CARM1: variants seen among roughly 807,000 people sequenced by gnomAD.
CARM1 encodes histone-arginine methyltransferase CARM1.
In CARM1, 14 loss-of-function variants were observed where a neutral mutation model predicts 72.7. That is an observed-to-expected ratio of 0.19 (90% CI 0.13 to 0.30). CARM1 has a LOEUF of 0.30. Among genes scored for constraint, CARM1 ranks in the 10% least tolerant of loss-of-function variants. CARM1 has a pLI of 1.00. For synonymous variants in CARM1, 333 were observed against 345.5 expected (o/e 0.96, Z 0.40); for missense variants, 432 against 833.7 (o/e 0.52, Z 5.93).
intron 1 of CARM1, among the ~76,000 whole-genome samples, chr19:10,875,671 A>C (rs946379398): frequency 1.3e-5 from 2 of 151,636 alleles, no homozygotes; most frequent in South Asian, 4.2e-4. Flanking sequence ...TGATCTGCCC[A>C]CCTTGGCCTC....
chr19:10,917,036 C>T (rs540933208), intron 8 of CARM1, among the ~76,000 whole-genome samples: 2 of 152,104 alleles, frequency 1.3e-5, no homozygotes, highest in South Asian at 4.2e-4. Flanking sequence ...GCCTGGGCAA[C>T]ACAGAGACGC....
chr19:10,873,624 G>GTTTTTTTTTTTTTT (rs1169565864), intron 1 of CARM1, among the ~76,000 whole-genome samples: 2 of 47,346 alleles, frequency 4.2e-5, no homozygotes, highest in Non-Finnish European at 7.2e-5. Context: ...TTTTAGTTTA[G>GTTTTTTTTTTTTTT]TTTTTTTTTT....
rs376092710 is a variant in CARM1 at position 10,902,609 on chromosome 19, T to A, written c.221-2342T>A. 1.6e-3 allele frequency among the ~76,000 whole-genome samples: 116 copies of A among 71,432 alleles called. 2 individuals carry two copies. The highest frequency in any genetic ancestry group is 9.5e-4 in the Admixed American group (7 of 7,380). The allele number at this position is 71,432 out of a possible 152,430, so 46.9% of individuals were successfully genotyped here. ...CAGGCGTGAGCCACTGTGCCCAGAC[T>A]TTTTTTTTTTTTTTTTGAGACATGC... On this transcript the variant is annotated intron_variant, in intron 1 of 15. Coordinates refer to ENST00000327064, the MANE Select transcript of CARM1 (RefSeq NM_199141.2).
Position 10,912,276 on chromosome 19 carries a change from C to A in CARM1, c.651C>A (p.Thr217=), listed in dbSNP as rs1038561194. The part of the protein sequence containing the change: ...ARKIYAVEAS[T]MAQHAEVLVK... ...AAATCTACGCGGTGGAGGCCAGCACCATGGCCCAGCACGCTGAGGTCAGTG... is the reference window on the plus strand; with the variant it reads ...AAATCTACGCGGTGGAGGCCAGCACAATGGCCCAGCACGCTGAGGTCAGTG... The change falls in exon 5 of 16, where the codon ACC becomes ACA. Residue 217 remains threonine, a synonymous_variant. Coordinates refer to ENST00000327064, the MANE Select transcript of CARM1 (RefSeq NM_199141.2). The surrounding 1 kb of genome is among the most constrained non-coding windows in gnomAD (Gnocchi z 4.5). The A allele has an allele frequency of 1.2e-6, 2 of 1,613,688 alleles. No homozygotes were observed. The highest frequency in any genetic ancestry group is 8.5e-7 in the Non-Finnish European group (1 of 1,179,666).
chr19:10,918,423 G>C (rs1211857699), intron 8 of CARM1, among the ~76,000 whole-genome samples: 6 of 151,668 alleles, frequency 4.0e-5, no homozygotes, highest in Non-Finnish European at 7.4e-5. Context: ...GGGCCTCACT[G>C]TGTTACTCAG....
rs549405127 is a variant in CARM1 at position 10,884,084 on chromosome 19, T to C, written c.220+12162T>C. On this transcript the variant is annotated intron_variant, in intron 1 of 15. Transcript: ENST00000327064. ...CGGGCCAGGTGCAGTGGCTCACACC[T>C]GTAATCCCAGCACTTTGGGAGGCCG... is the stretch of plus-strand genomic sequence containing the variant. Among the ~76,000 whole-genome samples, 14 of 146,802 alleles carry C rather than the reference T, an allele frequency of 9.5e-5. No individual in the cohort carries two copies. In the South Asian group the frequency reaches 2.7e-3, roughly 28 times the overall value.
At chr19:10,889,840 C>T (rs2146315723) in intron 1 of CARM1, among the ~76,000 whole-genome samples, 1 of 152,246 alleles carries the variant, frequency 6.6e-6, no homozygotes, top group East Asian at 1.9e-4. Context: ...GTGCACTTCC[C>T]ACCCTCATTT....
intron 1 of CARM1, among the ~76,000 whole-genome samples, chr19:10,892,045 G>A (rs2073992105): frequency 1.3e-5 from 2 of 152,208 alleles, no homozygotes; most frequent in Admixed American, 6.5e-5. Context: ...CTGTACACCT[G>A]TGGTGCGTAG....
chr19:10,913,948 C>T lies in CARM1; in HGVS notation c.741C>T (p.Leu247=), dbSNP rs2074174926. The change falls in exon 6 of 16, where the codon CTC becomes CTT. Residue 247 remains leucine (L), a synonymous_variant. Transcript: ENST00000327064. ...CGGGCAAGGTGGAGGAGGTGTCACT[C>T]CCCGAGCAGGTGGACATCATCATCT... ...VIPGKVEEVS[L]PEQVDIIISE... 24 of 1,613,726 alleles carry T rather than the reference C, an allele frequency of 1.5e-5. No homozygotes were observed. Among genetic ancestry groups the T allele is most frequent in the African/African-American group, 5.3e-5 (4 of 74,950 alleles).
Position 10,920,574 on chromosome 19 carries a change from G to A in CARM1, c.1334+1G>A, listed in dbSNP as rs1233914074. ...CATGTCTGCTTATTGCCAACAAAAG[G>A]TGCGACTGCTCCCTGGGGCTGGTGG... On this transcript the variant is annotated splice_donor_variant, in intron 11 of 15. Transcript: ENST00000327064. LOFTEE classifies it high-confidence loss of function. This position sits in a 1 kb window ranked among gnomAD's most constrained non-coding sequence, Gnocchi z 5.3. 6.2e-7 allele frequency: 1 copy of A among 1,613,782 alleles called. No homozygotes were observed. Among genetic ancestry groups the A allele is most frequent in the Non-Finnish European group, 8.5e-7 (1 of 1,179,858 alleles).
chr19:10,903,781 C>T (rs1407502890), intron 1 of CARM1, among the ~76,000 whole-genome samples: 2 of 152,140 alleles, frequency 1.3e-5, no homozygotes, highest in Non-Finnish European at 2.9e-5. Context: ...GTCACCCAGG[C>T]TGGAATGCAG....
At position 10,920,298 on chromosome 19, in the gene CARM1, C is replaced by T. The variant is rs2145247506; in HGVS notation, c.1197-138C>T. On this transcript the variant is annotated intron_variant, in intron 10 of 15. Transcript: ENST00000327064. This position sits in a 1 kb window ranked among gnomAD's most constrained non-coding sequence, Gnocchi z 5.3. ...GTTTGTGTCTGGGACTGCCTGGGGG[C>T]CAGCCTGTCTCTGCTCCAGGGTCCC... 9.8e-7 allele frequency: 1 copy of T among 1,020,490 alleles called. No individual in the cohort carries two copies. The highest frequency in any genetic ancestry group is 1.4e-6 in the Non-Finnish European group (1 of 711,274). The allele number at this position is 1,020,490 out of a possible 1,614,324, so 63.2% of individuals were successfully genotyped here. A position where few individuals can be genotyped will look rare whatever the true frequency, so the allele number is the denominator to read the frequency against.
At position 10,885,834 on chromosome 19, in the gene CARM1, C is replaced by T. The variant is rs990093766; in HGVS notation, c.220+13912C>T. ...ACTCCCGCTCACACACTCCAAGTCTCGCTATCAGGACAGCCCCCCACAGGG... is the reference window on the plus strand; with the variant it reads ...ACTCCCGCTCACACACTCCAAGTCTTGCTATCAGGACAGCCCCCCACAGGG... On this transcript the variant is annotated intron_variant, in intron 1 of 15. Transcript: ENST00000327064. Among the ~76,000 whole-genome samples the T allele has an allele frequency of 8.6e-5, 13 of 151,106 alleles. 1 individual carries two copies. The highest frequency in any genetic ancestry group is 2.1e-4 in the South Asian group (1 of 4,808).
intron 2 of CARM1, among the ~76,000 whole-genome samples, chr19:10,906,390 G>T (rs1281671502): frequency 6.6e-6 from 1 of 152,224 alleles, no homozygotes; most frequent in East Asian, 1.9e-4. Flanking sequence ...GTAGCAAGCA[G>T]CACATTAACA....
chr19:10,899,760 G>T (rs1599698036), intron 1 of CARM1, among the ~76,000 whole-genome samples: 1 of 146,698 alleles, frequency 6.8e-6, no homozygotes, highest in East Asian at 2.0e-4. Flanking sequence ...TCACTCTGTC[G>T]TCCAGGCTGG....
rs768512819 is a variant in CARM1 at position 10,886,123 on chromosome 19, C to T, written c.220+14201C>T. Among the ~76,000 whole-genome samples, 11 of 143,878 alleles carry T rather than the reference C, an allele frequency of 7.6e-5. No individual in the cohort carries two copies. The South Asian group carries it at 1.5e-3, about 20-fold the overall frequency. The allele number at this position is 143,878 out of a possible 152,430, so 94.4% of individuals were successfully genotyped here. A position where few individuals can be genotyped will look rare whatever the true frequency, so the allele number is the denominator to read the frequency against. ...CCAGGCTGGAGTGCGATGGTGTGATCTCAGCTCACCACAACCTCCACCTCC... is the reference window on the plus strand; with the variant it reads ...CCAGGCTGGAGTGCGATGGTGTGATTTCAGCTCACCACAACCTCCACCTCC... On this transcript the variant is annotated intron_variant, in intron 1 of 15. Coordinates refer to ENST00000327064, the MANE Select transcript of CARM1 (RefSeq NM_199141.2).
intron 1 of CARM1, among the ~76,000 whole-genome samples, chr19:10,888,348 T>G (rs778270839): frequency 2.3e-4 from 35 of 152,210 alleles, no homozygotes; most frequent in Admixed American, 8.5e-4. Context: ...GGAATTTGGC[T>G]GTCTTTGGAC....
intron 8 of CARM1, among the ~76,000 whole-genome samples, chr19:10,917,827 C>T (rs2074210504): frequency 6.6e-6 from 1 of 150,532 alleles, no homozygotes; most frequent in Admixed American, 6.6e-5. Context: ...AAGCGATTCT[C>T]AGACTCCTGA....
intron 1 of CARM1, among the ~76,000 whole-genome samples, chr19:10,901,609 G>T (rs1266313273): frequency 6.6e-6 from 1 of 152,108 alleles, no homozygotes; most frequent in Admixed American, 6.6e-5. Flanking sequence ...ACAGGCATGA[G>T]CCTGTGCCTG....
Sources: allele counts gnomAD v4.1 joint callset (sites outside exome capture counted in the v4.1 genomes callset), GRCh38; gene constraint gnomAD v4.1.1; non-coding constraint Gnocchi (gnomAD v3.1); transcripts MANE v1.5; gene names NCBI Gene and HGNC (gene_info 2026-07-23, HGNC 2026-07-21).